DLG2: variants seen among roughly 807,000 people sequenced by gnomAD.
DLG2 encodes discs large MAGUK scaffold protein 2.
Under a neutral mutation model 132.5 loss-of-function variants are expected in DLG2, and 45 were observed. The observed-to-expected ratio is 0.34, with a 90% CI of 0.27 to 0.44. DLG2 has a LOEUF of 0.44. Among genes scored for constraint, DLG2 ranks in the 20% least tolerant of loss-of-function variants. DLG2 has a pLI of 1.00. For synonymous variants in DLG2, 424 were observed against 419.6 expected, an observed-to-expected ratio of 1.01 and a Z score of -0.13; for missense variants, 1,045 against 1,196.9, an observed-to-expected ratio of 0.87 and a Z score of 1.87.
At chr11:83,731,562 T>C (rs2091013467) in intron 18 of DLG2, among the ~76,000 whole-genome samples, 1 of 152,186 alleles carries the variant, frequency 6.6e-6, no homozygotes, top group African/African-American at 2.4e-5. Context: ...GTTGGTCCCA[T>C]GTCTTTGCTA....
At chr11:84,227,471 C>A (rs1221186720) in intron 8 of DLG2, among the ~76,000 whole-genome samples, 1 of 152,040 alleles carries the variant, frequency 6.6e-6, no homozygotes, top group Non-Finnish European at 1.5e-5. Context: ...CCCCACTGAG[C>A]CATTTATTTT....
Position 85,149,145 on chromosome 11 carries a change from A to T in DLG2, c.282+5411T>A, listed in dbSNP as rs181708234. On this transcript the variant is annotated intron_variant, in intron 5 of 27. Coordinates refer to ENST00000376104, the MANE Select transcript of DLG2 (RefSeq NM_001142699.3). ...GTACCAGTACCATGCTGTTTTGGCT[A>T]CTGTAGGCTTGTAGTATAGTTTGAA... Among the ~76,000 whole-genome samples the T allele has an allele frequency of 2.5e-3, 387 of 152,206 alleles. 3 individuals are homozygous for T. The highest frequency in any genetic ancestry group is 8.6e-3 in the African/African-American group (359 of 41,516).
chr11:84,374,544 C>T (rs552658404), intron 7 of DLG2, among the ~76,000 whole-genome samples: 3 of 152,202 alleles, frequency 2.0e-5, no homozygotes, highest in Non-Finnish European at 4.4e-5. Context: ...TGGCCCAAGA[C>T]AATTCTTCTT....
At chr11:84,944,885 G>A (rs1202354989) in intron 6 of DLG2, among the ~76,000 whole-genome samples, 1 of 152,184 alleles carries the variant, frequency 6.6e-6, no homozygotes, top group Non-Finnish European at 1.5e-5. Flanking sequence ...TTACCGGCGT[G>A]AGCCATCGTG....
chr11:83,980,976 T>C (rs2092721651), intron 11 of DLG2, among the ~76,000 whole-genome samples: 1 of 152,138 alleles, frequency 6.6e-6, no homozygotes, highest in Non-Finnish European at 1.5e-5. Flanking sequence ...GAATCCTAGG[T>C]GAGCCAGGAA....
At chr11:85,154,414 C>G (rs1241758678) in intron 5 of DLG2, 142 bp downstream of exon 5, 3 of 492,978 alleles carry the variant, frequency 6.1e-6, no homozygotes, top group Non-Finnish European at 1.1e-5. Context: ...GCCTGAGAAC[C>G]CAATATGCTG....
At chr11:83,656,256 T>G (rs1283652277) in intron 18 of DLG2, among the ~76,000 whole-genome samples, 2 of 152,202 alleles carry the variant, frequency 1.3e-5, no homozygotes, top group Non-Finnish European at 2.9e-5. Flanking sequence ...AGTGTCAATC[T>G]GCTTAAATGA....
intron 4 of DLG2, among the ~76,000 whole-genome samples, chr11:85,210,560 G>T (rs556326146): frequency 6.6e-6 from 1 of 151,154 alleles, no homozygotes; most frequent in Non-Finnish European, 1.5e-5. Context: ...CTTTATAACC[G>T]TGGCAGTGGT....
At chr11:85,148,136 C>T (rs1566935443) in intron 5 of DLG2, among the ~76,000 whole-genome samples, 1 of 152,136 alleles carries the variant, frequency 6.6e-6, no homozygotes, top group African/African-American at 2.4e-5. Context: ...ACCACATTTT[C>T]GTTATCCAGT....
At chr11:85,395,739 C>G (rs2087281995) in intron 3 of DLG2, among the ~76,000 whole-genome samples, 1 of 151,950 alleles carries the variant, frequency 6.6e-6, no homozygotes, top group Non-Finnish European at 1.5e-5. Flanking sequence ...GAGTAGCTCA[C>G]AGTGTAAACA....
chr11:84,331,197 C>T (rs2098456712), intron 7 of DLG2, among the ~76,000 whole-genome samples: 1 of 152,192 alleles, frequency 6.6e-6, no homozygotes, highest in South Asian at 2.1e-4. Context: ...GCAGCTGGAG[C>T]TACCATTTAT....
rs2089478708 is a variant in DLG2 at position 85,412,954 on chromosome 11, T to A, written c.41-127589A>T. 2.0e-5 allele frequency among the ~76,000 whole-genome samples: 3 copies of A among 151,856 alleles called. No individual in the cohort carries two copies. The South Asian group carries it at 6.2e-4, about 31-fold the overall frequency. ...GTACTGAGATTGTTGGATCAAATAG[T>A]GGTTCCACTTGTAGTTATTTAAGAA... On this transcript the variant is annotated intron_variant, in intron 3 of 27. Coordinates refer to ENST00000376104, the MANE Select transcript of DLG2 (RefSeq NM_001142699.3).
chr11:85,388,297 G>A (rs899034936), intron 3 of DLG2, among the ~76,000 whole-genome samples: 1 of 152,048 alleles, frequency 6.6e-6, no homozygotes, highest in African/African-American at 2.4e-5. Flanking sequence ...AACAAAGCAA[G>A]CCCTGCTTAA....
At chr11:85,567,678 G>A (rs1033255029) in intron 3 of DLG2, among the ~76,000 whole-genome samples, 6 of 152,146 alleles carry the variant, frequency 3.9e-5, no homozygotes, top group Admixed American at 1.3e-4. Flanking sequence ...GGAGTGGCAA[G>A]AGCAAACATC....
chr11:84,893,272 C>T (rs1943719), intron 6 of DLG2, among the ~76,000 whole-genome samples: 3 of 152,052 alleles, frequency 2.0e-5, no homozygotes, highest in East Asian at 1.9e-4. Flanking sequence ...ATCAAGAGTT[C>T]GACCCTGCAT....
intron 18 of DLG2, among the ~76,000 whole-genome samples, chr11:83,641,500 A>C (rs1591522076): frequency 6.6e-6 from 1 of 152,298 alleles, no homozygotes; most frequent in East Asian, 1.9e-4. Flanking sequence ...AGATATGCAC[A>C]GAAGGGGCCC....
At chr11:83,727,553 G>C (rs1426018427) in intron 18 of DLG2, among the ~76,000 whole-genome samples, 1 of 152,076 alleles carries the variant, frequency 6.6e-6, no homozygotes, top group East Asian at 1.9e-4. Context: ...GCCTTCTACT[G>C]GACACCTCTT....
At chr11:84,214,369 A>T (rs2096806471) in intron 8 of DLG2, among the ~76,000 whole-genome samples, 1 of 150,298 alleles carries the variant, frequency 6.7e-6, no homozygotes, top group African/African-American at 2.4e-5. Flanking sequence ...ATATACAAAC[A>T]TACATATAAA....
Position 85,269,382 on chromosome 11 carries a change from A to G in DLG2, c.186+15838T>C, listed in dbSNP as rs145069715. On this transcript the variant is annotated intron_variant, in intron 4 of 27. Transcript: ENST00000376104. Reference sequence around the variant, plus strand: ...GATTAGATCAAATTAAATGCTACATAAGACATCTTCATTACATAAGTCCTT... The same window carrying G: ...GATTAGATCAAATTAAATGCTACATGAGACATCTTCATTACATAAGTCCTT... Among the ~76,000 whole-genome samples the G allele has an allele frequency of 5.5e-3, 844 of 152,326 alleles. 9 individuals carry two copies. Among genetic ancestry groups the G allele is most frequent in the African/African-American group, 0.019 (793 of 41,574 alleles).
Sources: allele counts gnomAD v4.1 joint callset (sites outside exome capture counted in the v4.1 genomes callset), GRCh38; gene constraint gnomAD v4.1.1; transcripts MANE v1.5; gene names NCBI Gene and HGNC (gene_info 2026-07-23, HGNC 2026-07-21).